Variants in ARHGEF10 observed in about 807,000 individuals in gnomAD.
ARHGEF10 encodes Rho guanine nucleotide exchange factor (GEF) 10.
In ARHGEF10, 140 loss-of-function variants were observed where a neutral mutation model predicts 147.4. The observed-to-expected ratio is 0.95, with a 90% confidence interval of 0.83 to 1.09. ARHGEF10 has a LOEUF of 1.09. Ranked by LOEUF, ARHGEF10 falls within the 50% of genes least tolerant of loss-of-function variation. ARHGEF10 has a pLI of 0.00. For synonymous variants in ARHGEF10, 902 were observed against 695.8 expected (o/e 1.30, Z -4.67); for missense variants, 2,222 against 1,752.7 (o/e 1.27, Z -4.78).
intron 15 of ARHGEF10, among the ~76,000 whole-genome samples, chr8:1,898,927 C>T (rs942308495): frequency 2.0e-5 from 3 of 152,166 alleles, no homozygotes; most frequent in South Asian, 2.1e-4. Context: ...AAATGATTCT[C>T]GCCTCTGTGC....
At chr8:1,884,563 C>T (rs747171346) in intron 10 of ARHGEF10, among the ~76,000 whole-genome samples, 36 of 152,220 alleles carry the variant, frequency 2.4e-4, no homozygotes, top group Admixed American at 9.8e-4. Flanking sequence ...CTGGCTGATC[C>T]GTTGATCTCT....
upstream of ARHGEF10, chr8:1,823,849 C>G (rs904540884): frequency 6.6e-5 from 10 of 151,820 alleles, no homozygotes; most frequent in Non-Finnish European, 1.3e-4. Context: ...CCGGCAGGCT[C>G]TGCGGCCAAT....
At chr8:1,866,300 G>A (rs1806605504) in intron 5 of ARHGEF10, among the ~76,000 whole-genome samples, 1 of 152,160 alleles carries the variant, frequency 6.6e-6, no homozygotes, top group Admixed American at 6.5e-5. Flanking sequence ...GCCGTGCGTA[G>A]GCCAAACATC....
At chr8:1,864,026 C>G (rs1806371442) in intron 4 of ARHGEF10, among the ~76,000 whole-genome samples, 1 of 152,082 alleles carries the variant, frequency 6.6e-6, no homozygotes, top group Non-Finnish European at 1.5e-5. Flanking sequence ...CTTTCTAACT[C>G]TAGCCTGATG....
chr8:1,882,796 G>T (rs767527314), intron 10 of ARHGEF10, 47 bp downstream of exon 10: 6 of 1,330,348 alleles, frequency 4.5e-6, no homozygotes, highest in East Asian at 2.6e-5. Context: ...GGGTTGGGGG[G>T]GGCGGCCACA....
At chr8:1,885,850 C>G in intron 11 of ARHGEF10, 143 bp downstream of exon 11, 2 of 735,402 alleles carry the variant, frequency 2.7e-6, no homozygotes, top group African/African-American at 1.7e-5. Context: ...GGTTCCTGGC[C>G]CAGCACTTAG....
chr8:1,920,251 T>C (rs1402690298), intron 18 of ARHGEF10, among the ~76,000 whole-genome samples: 2 of 152,220 alleles, frequency 1.3e-5, no homozygotes, highest in Non-Finnish European at 2.9e-5. Context: ...TGGATGATAA[T>C]TGTGAAGATC....
intron 15 of ARHGEF10, among the ~76,000 whole-genome samples, 194 bp downstream of exon 15, chr8:1,898,719 G>A (rs1403665758): frequency 6.6e-5 from 10 of 152,164 alleles, no homozygotes; most frequent in Non-Finnish European, 1.5e-5. Context: ...GGGGGCAGCT[G>A]TAGGGCCCAG....
intron 1 of ARHGEF10, among the ~76,000 whole-genome samples, chr8:1,829,041 C>G (rs921399733): frequency 6.6e-6 from 1 of 152,236 alleles, no homozygotes; most frequent in Non-Finnish European, 1.5e-5. Context: ...GGGGAGTCCT[C>G]GAGCTTTGGA....
intron 2 of ARHGEF10, among the ~76,000 whole-genome samples, chr8:1,852,010 G>A (rs183525299): frequency 8.0e-4 from 122 of 152,210 alleles, no homozygotes; most frequent in African/African-American, 2.5e-3. Flanking sequence ...GTGTGGGGAC[G>A]GCTCTCAGGC....
At chr8:1,930,746 G>C (rs543241171) in intron 25 of ARHGEF10, among the ~76,000 whole-genome samples, 1 of 152,366 alleles carries the variant, frequency 6.6e-6, no homozygotes, top group African/African-American at 2.4e-5. Flanking sequence ...CTGCTCCACG[G>C]GGACGGCCCC....
chr8:1,878,180 T>C (rs1267723351), intron 8 of ARHGEF10, among the ~76,000 whole-genome samples: 1 of 134,322 alleles, frequency 7.4e-6, no homozygotes, highest in South Asian at 2.5e-4. Context: ...GAAGCTGCAA[T>C]TGTAGTTTTT....
At chr8:1,935,528 A>C (rs1813518824) in intron 26 of ARHGEF10, among the ~76,000 whole-genome samples, 1 of 152,158 alleles carries the variant, frequency 6.6e-6, no homozygotes, top group Non-Finnish European at 1.5e-5. Flanking sequence ...GTAAACACTA[A>C]GTACGACCTG....
At chr8:1,869,280 A>T (rs750058083) in intron 7 of ARHGEF10, 30 bp downstream of exon 7, 1 of 1,598,066 alleles carries the variant, frequency 6.3e-7, no homozygotes, top group South Asian at 1.1e-5. Flanking sequence ...TGATTTGAGG[A>T]GATTCAGCTC....
rs538194821 is a variant in ARHGEF10 at position 1,847,109 on chromosome 8, GGTCATCACAA to G, written c.37+3675_37+3684del. Among the ~76,000 whole-genome samples, 6 of 152,248 alleles carry G rather than the reference GGTCATCACAA, an allele frequency of 3.9e-5. No homozygotes were observed. The East Asian group carries it at 1.2e-3, about 29-fold the overall frequency. ...TAGAAATGTCTTTGGCAACACGTCA[GGTCATCACAA>G]GGGGAAGTGGTGTTGGAGAGGCAGC... On this transcript the variant is annotated intron_variant, in intron 2 of 28. Coordinates refer to ENST00000349830, the MANE Select transcript of ARHGEF10 (RefSeq NM_014629.4).
At chr8:1,918,275 G>C (rs1811907757) in intron 18 of ARHGEF10, among the ~76,000 whole-genome samples, 1 of 152,184 alleles carries the variant, frequency 6.6e-6, no homozygotes, top group East Asian at 1.9e-4. Flanking sequence ...AGGTTGCTCT[G>C]TGGTGTCATC....
intron 15 of ARHGEF10, among the ~76,000 whole-genome samples, chr8:1,901,261 G>A (rs918589885): frequency 6.6e-6 from 1 of 152,126 alleles, no homozygotes; most frequent in Non-Finnish European, 1.5e-5. Context: ...GTAGGTGGAT[G>A]GGGAGACAGT....
intron 1 of ARHGEF10, among the ~76,000 whole-genome samples, chr8:1,842,217 G>A (rs1046672173): frequency 1.3e-5 from 2 of 152,044 alleles, no homozygotes; most frequent in Non-Finnish European, 2.9e-5. Context: ...GCAGAAGGGC[G>A]GGCACTGGGC....
chr8:1,935,174 C>T (rs973220049), intron 26 of ARHGEF10, among the ~76,000 whole-genome samples: 7 of 151,992 alleles, frequency 4.6e-5, no homozygotes, highest in South Asian at 2.1e-4. Context: ...ATGAAAAGTG[C>T]GGAATTTTCC....
Sources: gnomAD v4.1 joint callset for allele counts (sites outside exome capture counted in the v4.1 genomes callset) on GRCh38, gnomAD v4.1.1 for gene constraint, MANE v1.5 for transcripts, NCBI Gene and HGNC (gene_info 2026-07-23, HGNC 2026-07-21) for gene names.